Variants in MYO7B observed in about 807,000 individuals in gnomAD.
MYO7B encodes the protein myosin VIIB, also known as unconventional myosin-VIIb.
Under a neutral mutation model 259.7 loss-of-function variants are expected in MYO7B, and 212 were observed. That is an observed-to-expected ratio of 0.82 (90% confidence interval 0.73 to 0.91). The LOEUF is 0.91. Among genes scored for constraint, MYO7B ranks in the 40% least tolerant of loss-of-function variants. The pLI, the probability that MYO7B is intolerant of heterozygous loss-of-function variation, is 0.00. For missense variants in MYO7B, 2,732 were observed against 2,813.5 expected (o/e 0.97, Z 0.66); for synonymous variants, 1,197 against 1,166.4 (o/e 1.03, Z -0.54).
rs1223872595 is a variant in MYO7B, at chr2:127,592,778, C to T, written c.1993-16C>T. 2 of 1,603,000 alleles carry T rather than the reference C, an allele frequency of 1.2e-6. No homozygotes were observed. Among genetic ancestry groups the T allele is most frequent in the African/African-American group, 1.3e-5 (1 of 74,858 alleles). The stretch of plus-strand genomic sequence containing the variant: ...GTGGGGCTTGCGCTGGGTCAGCGCC[C>T]GGTGTCCGCCCACAGCTGTTCGACC... On this transcript the variant is annotated splice_polypyrimidine_tract_variant and intron_variant, in intron 16 of 47. Transcript: ENST00000409816.
chr2:127,599,523 T>A (rs1403779552), intron 19 of MYO7B, among the ~76,000 whole-genome samples: 1 of 152,234 alleles, frequency 6.6e-6, no homozygotes, highest in Non-Finnish European at 1.5e-5. Flanking sequence ...TATTTCCTTC[T>A]CTTGCCTATT....
chr2:127,625,303 A>G (rs992354887), intron 30 of MYO7B, 65 bp from the exon 31 acceptor site: 2 of 1,440,428 alleles, frequency 1.4e-6, no homozygotes, highest in African/African-American at 2.9e-5. Flanking sequence ...GGACAGGGGC[A>G]TCCTGGGGAA....
At chr2:127,548,219 A>G (rs758288819) in intron 1 of MYO7B, among the ~76,000 whole-genome samples, 1 of 152,102 alleles carries the variant, frequency 6.6e-6, no homozygotes, top group Non-Finnish European at 1.5e-5. Context: ...TTAGCCTGAC[A>G]GAAGTTTATC....
chr2:127,543,753 T>C (rs1693101476), intron 1 of MYO7B, among the ~76,000 whole-genome samples: 1 of 148,628 alleles, frequency 6.7e-6, no homozygotes, highest in African/African-American at 2.5e-5. Flanking sequence ...TATATATATA[T>C]TTTTTTTTTG....
At position 127,626,992 on chromosome 2, in the gene MYO7B, G is replaced by C. The variant is rs1378993860; in HGVS notation, c.4233G>C (p.Lys1411Asn). 3 of 1,611,708 alleles carry C rather than the reference G, an allele frequency of 1.9e-6. No individual in the cohort carries two copies. Among genetic ancestry groups the C allele is most frequent in the Non-Finnish European group, 2.5e-6 (3 of 1,179,200 alleles). The change falls in exon 32 of 48, where the codon AAG (lysine) becomes AAC (asparagine). Residue 1411 changes from lysine to asparagine, a missense_variant. Physicochemically the swap from Lys to Asn is moderately conservative, Grantham distance 94. Coordinates refer to ENST00000409816, the MANE Select transcript of MYO7B (RefSeq NM_001393586.1). The part of the protein sequence containing the change: ...AACAKAPYTQ[K>N]QVTPLAVREQ... ...CCCCTCAGGCCCCATACACTCAGAA[G>C]CAAGTCACACCACTGGCCGTGCGAG...
intron 1 of MYO7B, among the ~76,000 whole-genome samples, chr2:127,549,158 T>G (rs1489588267): frequency 2.1e-5 from 1 of 47,084 alleles, no homozygotes; most frequent in Non-Finnish European, 3.9e-5. Flanking sequence ...CTTCCTTCCT[T>G]CCTTCCTTTC....
rs370974785 is a variant in MYO7B at position 127,592,835 on chromosome 2, G to A, written c.2034G>A (p.Ser678=). The A allele has an allele frequency of 4.1e-5, 66 of 1,610,180 alleles. No homozygotes were observed. The highest frequency in any genetic ancestry group is 3.6e-4 in the South Asian group (33 of 90,492). ...TGTGCCTGCGGCAGCTGCGATACTC[G>A]GGCATGATGGAGACCGTGCACATCC... is the stretch of plus-strand genomic sequence containing the variant. ...RELCLRQLRY[S]GMMETVHIRK... The change falls in exon 17 of 48, where the codon TCG becomes TCA. Residue 678 remains serine, a synonymous_variant. Transcript: ENST00000409816.
intron 43 of MYO7B, 129 bp from the exon 44 acceptor site, chr2:127,635,593 C>A: frequency 9.7e-7 from 1 of 1,025,732 alleles, no homozygotes; most frequent in Non-Finnish European, 1.4e-6. Flanking sequence ...CTGAAACTCT[C>A]TACCCTGCTC....
intron 29 of MYO7B, 74 bp from the exon 30 acceptor site, chr2:127,624,019 C>T (rs13015157): frequency 0.19 from 262,968 of 1,379,492 alleles, 26,706 homozygotes; most frequent in South Asian, 0.3. Context: ...TACGTGCACA[C>T]GCTGACGGTG....
intron 26 of MYO7B, among the ~76,000 whole-genome samples, chr2:127,617,692 C>T (rs13416864): frequency 0.16 from 23,936 of 148,476 alleles, 1,977 homozygotes; most frequent in Middle Eastern, 0.24. Context: ...TTAGTAGAGA[C>T]GGGGTTTCAC....
chr2:127,544,977 G>A (rs1316608952), intron 1 of MYO7B, among the ~76,000 whole-genome samples: 1 of 151,976 alleles, frequency 6.6e-6, no homozygotes, highest in African/African-American at 2.4e-5. Flanking sequence ...CGCCCGCCTC[G>A]ACCTCCCAAA....
chr2:127,571,442 G>GTTTTTTTTTTTTGTTTTTTTTTTTTTT (rs1553448473), intron 6 of MYO7B, among the ~76,000 whole-genome samples: 1 of 41,984 alleles, frequency 2.4e-5, no homozygotes, highest in Admixed American at 3.4e-4. Flanking sequence ...TTACCAGTGA[G>GTTTTTTTTTTTTGTTTTTTTTTTTTTT]TTTTTTTTTT....
chr2:127,608,235 C>T (rs1167430685), intron 21 of MYO7B, among the ~76,000 whole-genome samples: 3 of 152,226 alleles, frequency 2.0e-5, no homozygotes, highest in Admixed American at 6.5e-5. Context: ...AGAATGCACC[C>T]ATAGACACGT....
intron 4 of MYO7B, among the ~76,000 whole-genome samples, chr2:127,565,934 G>A (rs1002200484): frequency 2.0e-5 from 3 of 152,236 alleles, no homozygotes; most frequent in Admixed American, 1.3e-4. Context: ...CTAAGTAGGT[G>A]TGGCCTGCAG....
In MYO7B at chr2:127,577,519, G is replaced by A. The variant is rs576686838; in HGVS notation, c.850-614G>A. 3.1e-4 allele frequency among the ~76,000 whole-genome samples: 47 copies of A among 152,044 alleles called. No individual in the cohort carries two copies. In the Middle Eastern group the frequency reaches 0.01, roughly 33 times the overall value. On this transcript the variant is annotated intron_variant, in intron 8 of 47. Transcript: ENST00000409816. The surrounding 1 kb of genome is among the most constrained non-coding windows in gnomAD (Gnocchi z 5.2). ...TCCCTCCAAGATCTGCCCCTCTGCC[G>A]ACCTCTCCCTTCTCAACACCCACCC...
Position 127,607,167 on chromosome 2 carries a change from C to A in MYO7B, c.2425-39C>A. 1 of 1,516,130 alleles carries A rather than the reference C, an allele frequency of 6.6e-7. No individual in the cohort carries two copies. Among genetic ancestry groups the A allele is most frequent in the Non-Finnish European group, 8.9e-7 (1 of 1,126,082 alleles). The allele number at this position is 1,516,130 out of a possible 1,614,324, so 93.9% of individuals were successfully genotyped here. A position where few individuals can be genotyped will look rare whatever the true frequency, so the allele number is the denominator to read the frequency against. On this transcript the variant is annotated intron_variant, in intron 20 of 47. Coordinates refer to ENST00000409816, the MANE Select transcript of MYO7B (RefSeq NM_001393586.1). This position sits in a 1 kb window ranked among gnomAD's most constrained non-coding sequence, Gnocchi z 4.4. Reference sequence around the variant, plus strand: ...CCCCTCTCTGTTTCCTGGGGAAGGCCTTCTTGCCCCTGATCTCACCTCTCT... The same window carrying A: ...CCCCTCTCTGTTTCCTGGGGAAGGCATTCTTGCCCCTGATCTCACCTCTCT...
chr2:127,610,047 G>A (rs749280602), intron 24 of MYO7B, 31 bp downstream of exon 24: 5 of 1,601,166 alleles, frequency 3.1e-6, no homozygotes, highest in African/African-American at 1.3e-5. Flanking sequence ...GGCAGAGGAG[G>A]GCGACACCTA....
intron 1 of MYO7B, among the ~76,000 whole-genome samples, chr2:127,547,125 C>T (rs911128952): frequency 2.6e-5 from 4 of 152,132 alleles, no homozygotes; most frequent in African/African-American, 4.8e-5. Flanking sequence ...CCTATCCACC[C>T]GTCCATCAGC....
chr2:127,555,179 C>T (rs768970903), intron 1 of MYO7B, among the ~76,000 whole-genome samples: 1 of 152,090 alleles, frequency 6.6e-6, no homozygotes. Context: ...GAACCCCTGA[C>T]CTCGTGACCC....
Sources: allele counts gnomAD v4.1 joint callset (sites outside exome capture counted in the v4.1 genomes callset), GRCh38; gene constraint gnomAD v4.1.1; non-coding constraint Gnocchi (gnomAD v3.1); transcripts MANE v1.5; gene names NCBI Gene and HGNC (gene_info 2026-07-23, HGNC 2026-07-21).